TRAPPC8: variants seen among roughly 807,000 people sequenced by gnomAD.
TRAPPC8 encodes the protein trafficking protein particle complex subunit 8.
Under a neutral mutation model 174.3 loss-of-function variants are expected in TRAPPC8, and 54 were observed. The ratio of observed to expected loss-of-function variants is 0.31; its 90% confidence interval spans 0.25 to 0.39. TRAPPC8 has a LOEUF of 0.39. Among genes scored for constraint, TRAPPC8 ranks in the 10% least tolerant of loss-of-function variants. The pLI, the probability that TRAPPC8 is intolerant of heterozygous loss-of-function variation, is 1.00. For synonymous variants in TRAPPC8, 630 were observed against 579.9 expected, an observed-to-expected ratio of 1.09 and a Z score of -1.24; for missense variants, 1,531 against 1,699.1, an observed-to-expected ratio of 0.90 and a Z score of 1.74.
chr18:31,909,133 T>A, intron 6 of TRAPPC8, 123 bp from the exon 7 acceptor site: 2 of 940,036 alleles, frequency 2.1e-6, no homozygotes, highest in Non-Finnish European at 2.9e-6. Context: ...TCAGTATAGG[T>A]AAATGTCTAA....
In TRAPPC8 at chr18:31,830,463, A is replaced by G; in HGVS notation, c.*292T>C. 1 of 339,556 alleles carries G rather than the reference A, an allele frequency of 2.9e-6. No homozygotes were observed. Among genetic ancestry groups the G allele is most frequent in the Non-Finnish European group, 5.4e-6 (1 of 184,404 alleles). 21.0% of individuals were successfully genotyped at this position (339,556 alleles called of 1,614,324 possible). A position where few individuals can be genotyped will look rare whatever the true frequency, so the allele number is the denominator to read the frequency against. On this transcript the variant is annotated 3_prime_UTR_variant, in exon 29 of 29. Transcript: ENST00000283351. ...TACCATTGACAAGTTGTAACAGCAG[A>G]CTTAGACTTTGTGTTTTCTTAAGAT...
chr18:31,852,018 T>TA (rs1312015166), intron 24 of TRAPPC8, among the ~76,000 whole-genome samples: 1 of 152,030 alleles, frequency 6.6e-6, no homozygotes, highest in African/African-American at 2.4e-5. Flanking sequence ...CAAAACTCAA[T>TA]AAAGTTCAGA....
chr18:31,925,477 GAGAT>G (rs1426999065), intron 2 of TRAPPC8, among the ~76,000 whole-genome samples: 2 of 152,040 alleles, frequency 1.3e-5, no homozygotes, highest in Non-Finnish European at 2.9e-5. Flanking sequence ...TAAAAAGACA[GAGAT>G]AGACAATTTT....
At chr18:31,878,011 C>T (rs531635300) in intron 12 of TRAPPC8, among the ~76,000 whole-genome samples, 13 of 152,114 alleles carry the variant, frequency 8.5e-5, no homozygotes, top group Admixed American at 1.3e-4. Context: ...GAGAAGCATC[C>T]GGGCAACAGA....
At chr18:31,930,106 G>A (rs541595650) in intron 2 of TRAPPC8, among the ~76,000 whole-genome samples, 67 of 151,628 alleles carry the variant, frequency 4.4e-4, no homozygotes, top group African/African-American at 1.5e-3. Context: ...AATTCTCTGC[G>A]TATGTTTAGG....
At chr18:31,873,582 T>C in intron 13 of TRAPPC8, 44 bp from the exon 14 acceptor site, 1 of 1,419,280 alleles carries the variant, frequency 7.0e-7, no homozygotes, top group Non-Finnish European at 9.7e-7. Context: ...TTTGTGAAAA[T>C]GGTATTTTTA....
In TRAPPC8 at chr18:31,942,458, C is replaced by G. The variant is rs184979270; in HGVS notation, c.157+150G>C. 9.6e-4 allele frequency: 1,024 copies of G among 1,069,380 alleles called. 9 individuals are homozygous for G. The African/African-American group carries it at 0.015, about 15-fold the overall frequency. The allele number at this position is 1,069,380 out of a possible 1,614,324, so 66.2% of individuals were successfully genotyped here. On this transcript the variant is annotated intron_variant, in intron 1 of 28. Transcript: ENST00000283351. Reference sequence around the variant, plus strand: ...ACCTCACGGTCCCTCCTCCAGCCGCCCCCGGAGCACCGCGGGGCCACAGCC... The same window carrying G: ...ACCTCACGGTCCCTCCTCCAGCCGCGCCCGGAGCACCGCGGGGCCACAGCC...
At chr18:31,920,559 G>T (rs2037339606) in intron 2 of TRAPPC8, among the ~76,000 whole-genome samples, 1 of 151,948 alleles carries the variant, frequency 6.6e-6, no homozygotes, top group African/African-American at 2.4e-5. Context: ...CTAGCACTTT[G>T]GGAGGCTGAG....
At chr18:31,852,314 G>C in intron 24 of TRAPPC8, 132 bp downstream of exon 24, 1 of 928,710 alleles carries the variant, frequency 1.1e-6, no homozygotes. Context: ...GTACTCCTGG[G>C]AGACAGAGCA....
chr18:31,914,477 G>C (rs146082810), intron 4 of TRAPPC8, among the ~76,000 whole-genome samples: 68 of 152,248 alleles, frequency 4.5e-4, no homozygotes, highest in African/African-American at 1.6e-3. Context: ...ACTCCAAATT[G>C]AACTGACAGA....
intron 14 of TRAPPC8, 72 bp downstream of exon 14, chr18:31,873,358 T>TA: frequency 7.8e-7 from 1 of 1,276,404 alleles, no homozygotes; most frequent in Non-Finnish European, 1.1e-6. Context: ...CATCGTTTTT[T>TA]AAATGGAGAA....
intron 26 of TRAPPC8, 33 bp downstream of exon 26, chr18:31,846,683 A>T: frequency 6.6e-7 from 1 of 1,504,678 alleles, no homozygotes; most frequent in Non-Finnish European, 9.0e-7. Context: ...CCACAAGTTC[A>T]CCAGAAAGCT....
At chr18:31,858,273 T>C (rs1160698996) in intron 19 of TRAPPC8, among the ~76,000 whole-genome samples, 1 of 152,200 alleles carries the variant, frequency 6.6e-6, no homozygotes, top group African/African-American at 2.4e-5. Context: ...TGGTAGATTA[T>C]GGACCAGAAA....
chr18:31,862,642 G>T (rs1405064755), intron 19 of TRAPPC8, among the ~76,000 whole-genome samples: 15 of 151,940 alleles, frequency 9.9e-5, no homozygotes, highest in Non-Finnish European at 2.2e-4. Context: ...GGTTAAATGT[G>T]GACAGAATAT....
chr18:31,841,885 A>T (rs974209407), intron 26 of TRAPPC8, among the ~76,000 whole-genome samples: 6 of 152,290 alleles, frequency 3.9e-5, no homozygotes, highest in East Asian at 1.9e-4. Context: ...AAATTTATTT[A>T]AAAAAATAAA....
chr18:31,830,518 A>G lies in TRAPPC8; in HGVS notation c.*237T>C, dbSNP rs192809193. 170 of 497,002 alleles carry G rather than the reference A, an allele frequency of 3.4e-4. No homozygotes were observed. Among genetic ancestry groups the G allele is most frequent in the African/African-American group, 2.6e-3 (132 of 51,362 alleles). The allele number at this position is 497,002 out of a possible 1,614,324, so 30.8% of individuals were successfully genotyped here. On this transcript the variant is annotated 3_prime_UTR_variant, in exon 29 of 29. Transcript: ENST00000283351. ...CTTAATAAGGTGCACAAATATGCTG[A>G]TATCCTGTATTATGAGCATGTAAAT...
chr18:31,916,085 A>T (rs1472536441), intron 4 of TRAPPC8, among the ~76,000 whole-genome samples, 187 bp downstream of exon 4: 5 of 151,784 alleles, frequency 3.3e-5, no homozygotes, highest in Non-Finnish European at 1.5e-5. Flanking sequence ...GAAATCTAAC[A>T]TAAAATAACT....
At chr18:31,858,837 C>T (rs1477364343) in intron 19 of TRAPPC8, among the ~76,000 whole-genome samples, 1 of 152,110 alleles carries the variant, frequency 6.6e-6, no homozygotes, top group African/African-American at 2.4e-5. Flanking sequence ...GCCTGTAATC[C>T]CAACACTTTG....
intron 3 of TRAPPC8, 55 bp from the exon 4 acceptor site, chr18:31,916,501 G>T: frequency 6.8e-7 from 1 of 1,469,294 alleles, no homozygotes; most frequent in Non-Finnish European, 9.1e-7. Context: ...GATAAATATT[G>T]TCCTACTGAG....
Sources: allele counts gnomAD v4.1 joint callset (sites outside exome capture counted in the v4.1 genomes callset), GRCh38; gene constraint gnomAD v4.1.1; transcripts MANE v1.5; gene names NCBI Gene and HGNC (gene_info 2026-07-23, HGNC 2026-07-21).